The following SDCCAG8 variants were observed in gnomAD, a reference collection of about 807,000 sequenced individuals.
SDCCAG8 encodes the protein SHH signaling and ciliogenesis regulator SDCCAG8.
In SDCCAG8, 74 loss-of-function variants were observed where a neutral mutation model predicts 101.8. That is an observed-to-expected ratio of 0.73 (90% CI 0.60 to 0.88). The LOEUF (loss-of-function observed/expected upper bound fraction) is 0.88, where lower values mean the gene tolerates loss of function less well. Among genes scored for constraint, SDCCAG8 ranks in the 40% least tolerant of loss-of-function variants. SDCCAG8 has a pLI of 0.00. For missense variants in SDCCAG8, 787 were observed against 822.6 expected (o/e 0.96, Z 0.53); for synonymous variants, 281 against 292.9 (o/e 0.96, Z 0.41).
intron 6 of SDCCAG8, among the ~76,000 whole-genome samples, chr1:243,301,004 A>G (rs1376959572): frequency 6.6e-6 from 1 of 152,316 alleles, no homozygotes; most frequent in African/African-American, 2.4e-5. Flanking sequence ...AATAAAATAT[A>G]TGTAGGTAAT....
At chr1:243,367,490 G>T (rs1283787618) in intron 12 of SDCCAG8, among the ~76,000 whole-genome samples, 2 of 151,460 alleles carry the variant, frequency 1.3e-5, no homozygotes, top group African/African-American at 2.4e-5. Context: ...GTGCCAATTT[G>T]TTAGCAAACA....
At chr1:243,453,337 G>A (rs1020767992) in intron 16 of SDCCAG8, among the ~76,000 whole-genome samples, 1 of 152,182 alleles carries the variant, frequency 6.6e-6, no homozygotes, top group Non-Finnish European at 1.5e-5. Flanking sequence ...CAGGGTCAAT[G>A]CAACATAAAA....
chr1:243,473,880 G>A (rs1015436332), intron 16 of SDCCAG8, among the ~76,000 whole-genome samples: 2 of 143,918 alleles, frequency 1.4e-5, no homozygotes, highest in Non-Finnish European at 3.0e-5. Flanking sequence ...TTTTTAGGAG[G>A]GGTCTTACAA....
rs971454090 is a variant in SDCCAG8, at chr1:243,412,278, G to A, written c.1617-3424G>A. Among the ~76,000 whole-genome samples, 4 of 152,142 alleles carry A rather than the reference G, an allele frequency of 2.6e-5. No homozygotes were observed. In the South Asian group the frequency reaches 8.3e-4, roughly 31 times the overall value. On this transcript the variant is annotated intron_variant, in intron 13 of 17. Transcript: ENST00000366541. ...AATCCATTATCGTATTACCTCTAGA[G>A]CAGTGTGTCTGATCTTTTGGCTTCC...
chr1:243,330,521 A>G lies in SDCCAG8; in HGVS notation c.1069-19A>G, dbSNP rs1408659432. 6.2e-7 allele frequency: 1 copy of G among 1,613,970 alleles called. No individual in the cohort carries two copies. Among genetic ancestry groups the G allele is most frequent in the Non-Finnish European group, 8.5e-7 (1 of 1,179,896 alleles). ...TTCCAAATTCTAACCTCCTCTTTCA[A>G]TCTGTTCTATCCTGGCAGGCTTTAA... On this transcript the variant is annotated intron_variant, in intron 9 of 17. Transcript: ENST00000366541.
intron 16 of SDCCAG8, among the ~76,000 whole-genome samples, chr1:243,468,794 T>G (rs1393744715): frequency 3.9e-5 from 6 of 152,256 alleles, no homozygotes; most frequent in African/African-American, 1.4e-4. Flanking sequence ...CTATTTTTAT[T>G]ATTGAATCAC....
chr1:243,278,362 A>C (rs1308631684), intron 4 of SDCCAG8, among the ~76,000 whole-genome samples: 1 of 152,150 alleles, frequency 6.6e-6, no homozygotes, highest in Non-Finnish European at 1.5e-5. Flanking sequence ...CTGGGACTAC[A>C]GGTGTGTGCC....
chr1:243,380,585 T>TA (rs2077879659), intron 13 of SDCCAG8, among the ~76,000 whole-genome samples: 1 of 152,178 alleles, frequency 6.6e-6, no homozygotes, highest in Non-Finnish European at 1.5e-5. Context: ...TTCTTGCAAG[T>TA]AGAGCATATT....
chr1:243,260,179 C>G (rs1002867366), intron 1 of SDCCAG8, among the ~76,000 whole-genome samples: 1 of 152,158 alleles, frequency 6.6e-6, no homozygotes, highest in Non-Finnish European at 1.5e-5. Flanking sequence ...TTTGTTGCCC[C>G]CACAGATCTG....
intron 3 of SDCCAG8, among the ~76,000 whole-genome samples, chr1:243,271,885 A>G (rs541753744): frequency 6.6e-6 from 1 of 152,316 alleles, no homozygotes; most frequent in East Asian, 1.9e-4. Context: ...TATATGTTAA[A>G]ATATATGGTT....
At chr1:243,371,704 C>A (rs1323390156) in intron 12 of SDCCAG8, among the ~76,000 whole-genome samples, 1 of 152,022 alleles carries the variant, frequency 6.6e-6, no homozygotes, top group Non-Finnish European at 1.5e-5. Context: ...TTATAATATC[C>A]TTTTGTTCAC....
intron 16 of SDCCAG8, among the ~76,000 whole-genome samples, chr1:243,441,572 A>G (rs891975389): frequency 9.2e-5 from 14 of 152,208 alleles, no homozygotes; most frequent in Admixed American, 5.9e-4. Flanking sequence ...CTTCAAATTC[A>G]TATGGCTAGA....
At chr1:243,289,359 G>C (rs2069981606) in intron 5 of SDCCAG8, among the ~76,000 whole-genome samples, 1 of 152,052 alleles carries the variant, frequency 6.6e-6, no homozygotes, top group Non-Finnish European at 1.5e-5. Context: ...CCAGATTAAG[G>C]GTGGGTCTGC....
rs571726670 is a variant in SDCCAG8, at chr1:243,491,762, C to T, written c.2112+2622C>T. Among the ~76,000 whole-genome samples, 26 of 152,310 alleles carry T rather than the reference C, an allele frequency of 1.7e-4. 1 individual carries two copies. Among genetic ancestry groups the T allele is most frequent in the African/African-American group, 4.3e-4 (18 of 41,574 alleles). On this transcript the variant is annotated intron_variant, in intron 17 of 17. Transcript: ENST00000366541. ...GGTGCCGCCTGAGGGCTCCGGAGTG[C>T]TCAGCCACCCTCTCTGTTTTCCTGG... is the stretch of plus-strand genomic sequence containing the variant.
At chr1:243,273,478 G>GT (rs1553287697) in intron 3 of SDCCAG8, among the ~76,000 whole-genome samples, 3 of 152,076 alleles carry the variant, frequency 2.0e-5, no homozygotes, top group Non-Finnish European at 4.4e-5. Context: ...TAGCATTAGC[G>GT]TTTTTTTGAA....
At chr1:243,437,430 T>G (rs1384491802) in intron 16 of SDCCAG8, among the ~76,000 whole-genome samples, 2 of 152,052 alleles carry the variant, frequency 1.3e-5, no homozygotes, top group Non-Finnish European at 2.9e-5. Flanking sequence ...ATGCTCTCTG[T>G]GTACATCAGA....
chr1:243,456,127 A>T (rs2083734358), intron 16 of SDCCAG8, among the ~76,000 whole-genome samples: 1 of 152,054 alleles, frequency 6.6e-6, no homozygotes, highest in African/African-American at 2.4e-5. Context: ...TATTCATCGA[A>T]TGAACCGGGA....
At chr1:243,267,668 T>A in intron 1 of SDCCAG8, 2 of 766,754 alleles carry the variant, frequency 2.6e-6, no homozygotes, top group Non-Finnish European at 4.8e-6. Context: ...ACACTTAGGC[T>A]GAGTTACTCT....
chr1:243,379,012 C>A, intron 13 of SDCCAG8, 149 bp downstream of exon 13: 2 of 944,092 alleles, frequency 2.1e-6, no homozygotes, highest in South Asian at 1.4e-5. Flanking sequence ...ATGTGGTAAG[C>A]AAAACACCCA....
Sources: gnomAD v4.1 joint callset for allele counts (sites outside exome capture counted in the v4.1 genomes callset) on GRCh38, gnomAD v4.1.1 for gene constraint, MANE v1.5 for transcripts, NCBI Gene and HGNC (gene_info 2026-07-23, HGNC 2026-07-21) for gene names.